The following EPB41L5 variants were observed in gnomAD, a reference collection of about 807,000 sequenced individuals.
The protein encoded by EPB41L5 is erythrocyte membrane protein band 4.1 like 5, also known as band 4.1-like protein 5.
A neutral mutation model predicts 106.6 loss-of-function variants in EPB41L5; 55 were observed. The ratio of observed to expected loss-of-function variants is 0.52; its 90% CI spans 0.42 to 0.65. The LOEUF (loss-of-function observed/expected upper bound fraction) is 0.65, where lower values mean the gene tolerates loss of function less well. EPB41L5 is among the 30% of genes least tolerant of loss of function. The pLI is 0.00. For missense variants in EPB41L5, 871 were observed against 882.1 expected, an observed-to-expected ratio of 0.99 and a Z score of 0.16; for synonymous variants, 297 against 306.7, an observed-to-expected ratio of 0.97 and a Z score of 0.33.
chr2:120,118,401 G>T (rs1685050060), intron 16 of EPB41L5, among the ~76,000 whole-genome samples: 1 of 152,028 alleles, frequency 6.6e-6, no homozygotes, highest in Non-Finnish European at 1.5e-5. Flanking sequence ...GAACGTGCAG[G>T]TTTGTTTACA....
At chr2:120,093,843 A>G (rs1489580630) in intron 14 of EPB41L5, among the ~76,000 whole-genome samples, 3 of 152,132 alleles carry the variant, frequency 2.0e-5, no homozygotes, top group Non-Finnish European at 2.9e-5. Context: ...ATTTCTTGGG[A>G]AGAATTTGTA....
intron 16 of EPB41L5, among the ~76,000 whole-genome samples, chr2:120,126,770 CT>C (rs1242141719): frequency 6.6e-6 from 1 of 152,082 alleles, no homozygotes; most frequent in Admixed American, 6.6e-5. Context: ...GCTGCTTTGG[CT>C]TTCATAAATC....
At chr2:120,027,802 T>C (rs1251235563) in intron 2 of EPB41L5, among the ~76,000 whole-genome samples, 1 of 152,224 alleles carries the variant, frequency 6.6e-6, no homozygotes, top group Non-Finnish European at 1.5e-5. Context: ...TTGAACTGTT[T>C]ATTTTGAATG....
intron 1 of EPB41L5, among the ~76,000 whole-genome samples, chr2:120,015,412 A>G (rs1459622467): frequency 6.6e-6 from 1 of 151,878 alleles, no homozygotes; most frequent in African/African-American, 2.4e-5. Context: ...TAGCCTCCCA[A>G]AGTGCTGGGA....
chr2:120,130,296 A>G (rs1685636968), intron 17 of EPB41L5, among the ~76,000 whole-genome samples: 1 of 152,224 alleles, frequency 6.6e-6, no homozygotes, highest in Admixed American at 6.5e-5. Context: ...ATTCAGACTT[A>G]TAACATTTGC....
intron 2 of EPB41L5, among the ~76,000 whole-genome samples, chr2:120,031,287 A>G (rs745477754): frequency 6.6e-6 from 1 of 152,214 alleles, no homozygotes; most frequent in Non-Finnish European, 1.5e-5. Flanking sequence ...TCTCCATTGC[A>G]ATTCCCCTGT....
intron 2 of EPB41L5, among the ~76,000 whole-genome samples, chr2:120,028,339 G>C (rs900377922): frequency 6.6e-6 from 1 of 151,934 alleles, no homozygotes; most frequent in Non-Finnish European, 1.5e-5. Context: ...AGTTTGACTA[G>C]TCTGGGCAAC....
At chr2:120,161,453 A>G (rs1405456215) in intron 21 of EPB41L5, among the ~76,000 whole-genome samples, 1 of 151,944 alleles carries the variant, frequency 6.6e-6, no homozygotes, top group Non-Finnish European at 1.5e-5. Context: ...ACTACTCACA[A>G]GAGGATCTTA....
intron 20 of EPB41L5, among the ~76,000 whole-genome samples, chr2:120,149,685 T>C (rs1379047329): frequency 6.6e-6 from 1 of 152,232 alleles, no homozygotes; most frequent in Admixed American, 6.5e-5. Flanking sequence ...ATATTGCAGC[T>C]ATGAATAGTC....
At chr2:120,105,320 A>C (rs1458130498) in intron 16 of EPB41L5, 1 of 959,226 alleles carries the variant, frequency 1.0e-6, no homozygotes, top group Non-Finnish European at 1.2e-6. Flanking sequence ...ATGTACATAG[A>C]AATTTATAGA....
chr2:120,073,029 CCT>C (rs1681983460), intron 3 of EPB41L5, 147 bp from the exon 4 acceptor site: 1 of 641,808 alleles, frequency 1.6e-6, no homozygotes. Flanking sequence ...TTCCTTCTCA[CCT>C]CTTTTCTCAT....
intron 2 of EPB41L5, among the ~76,000 whole-genome samples, chr2:120,038,803 C>A (rs1679205304): frequency 6.6e-6 from 1 of 152,112 alleles, no homozygotes; most frequent in Non-Finnish European, 1.5e-5. Context: ...TAGCATATGA[C>A]CCAGCACTTT....
At chr2:120,072,776 G>A (rs1055848545) in intron 3 of EPB41L5, among the ~76,000 whole-genome samples, 4 of 152,152 alleles carry the variant, frequency 2.6e-5, no homozygotes, top group African/African-American at 4.8e-5. Flanking sequence ...ACTGGCGCCT[G>A]TTGGGAGGGT....
intron 12 of EPB41L5, 34 bp from the exon 13 acceptor site, chr2:120,091,520 TA>T: frequency 6.6e-7 from 1 of 1,518,122 alleles, no homozygotes; most frequent in Non-Finnish European, 9.1e-7. Flanking sequence ...ACTGTAGACC[TA>T]AAATTTCCCT....
intron 3 of EPB41L5, among the ~76,000 whole-genome samples, chr2:120,050,922 A>G (rs565480019): frequency 2.0e-5 from 3 of 152,300 alleles, no homozygotes; most frequent in East Asian, 3.9e-4. Flanking sequence ...CTGGAGGTCT[A>G]CTACATACCC....
chr2:120,154,669 G>A (rs1686827221), intron 20 of EPB41L5, among the ~76,000 whole-genome samples: 1 of 151,718 alleles, frequency 6.6e-6, no homozygotes, highest in South Asian at 2.1e-4. Context: ...GCTCACGCCT[G>A]TAATCCCAGC....
intron 5 of EPB41L5, among the ~76,000 whole-genome samples, chr2:120,074,797 A>G (rs1021389327): frequency 1.3e-5 from 2 of 152,204 alleles, no homozygotes; most frequent in African/African-American, 4.8e-5. Context: ...ACAATGAGAT[A>G]GTAGCTATCA....
At chr2:120,164,537 GA>G (rs1242274297) in intron 21 of EPB41L5, among the ~76,000 whole-genome samples, 2 of 152,102 alleles carry the variant, frequency 1.3e-5, no homozygotes, top group Non-Finnish European at 2.9e-5. Context: ...TAATTAAAAA[GA>G]AAAAGTTAAG....
At chr2:120,095,912 C>A (rs530651768) in intron 14 of EPB41L5, among the ~76,000 whole-genome samples, 25 of 152,030 alleles carry the variant, frequency 1.6e-4, no homozygotes, top group Non-Finnish European at 2.8e-4. Context: ...TCATGTGATC[C>A]GCCTGTCTCG....
Sources: gnomAD v4.1 joint callset for allele counts (sites outside exome capture counted in the v4.1 genomes callset) on GRCh38, gnomAD v4.1.1 for gene constraint, MANE v1.5 for transcripts, NCBI Gene and HGNC (gene_info 2026-07-23, HGNC 2026-07-21) for gene names.